ATP2C1: variants seen among roughly 807,000 people sequenced by gnomAD.
ATP2C1 encodes calcium-transporting ATPase type 2C member 1.
ATP2C1 carries 31 observed loss-of-function variants against 120.5 expected under a neutral mutation model. That is an observed-to-expected ratio of 0.26 (90% CI 0.19 to 0.35). The LOEUF (loss-of-function observed/expected upper bound fraction) is 0.35. Among genes scored for constraint, ATP2C1 ranks in the 10% least tolerant of loss-of-function variants. The pLI, the probability that ATP2C1 is intolerant of heterozygous loss-of-function variation, is 1.00. For missense variants in ATP2C1, 731 were observed against 1,107.5 expected (o/e 0.66, Z 4.83); for synonymous variants, 351 against 358.7 (o/e 0.98, Z 0.24).
chr3:130,850,866 T>C lies in ATP2C1; in HGVS notation c.46T>C (p.Tyr16His), dbSNP rs910405694. ...ATCTAGATTCTCTTATTTCAAAAAA[T>C]ATCCTCTCCATGCAATTAGGAGATA... Residue 16 changes from tyrosine to histidine, a missense_variant, in exon 1 of 27, where the codon TAT (tyrosine) becomes CAT (histidine). Tyr to His is a moderately conservative substitution (Grantham distance 83, BLOSUM62 2). Coordinates refer to the ATP2C1 transcript ENST00000504381. 20 of 1,446,816 alleles carry C rather than the reference T, an allele frequency of 1.4e-5. No individual in the cohort carries two copies. The African/African-American group carries it at 2.3e-4, about 17-fold the overall frequency. 89.6% of individuals were successfully genotyped at this position (1,446,816 alleles called of 1,614,324 possible).
chr3:131,006,797 G>T (rs1002773029), downstream of ATP2C1, among the ~76,000 whole-genome samples: 1 of 151,730 alleles, frequency 6.6e-6, no homozygotes, highest in African/African-American at 2.4e-5. Context: ...CAAGTAGCTG[G>T]GACTGCAGGT....
intron 1 of ATP2C1, among the ~76,000 whole-genome samples, chr3:130,885,546 T>G (rs2068945781): frequency 6.6e-6 from 1 of 152,170 alleles, no homozygotes; most frequent in South Asian, 2.1e-4. Context: ...TACTATCTTA[T>G]AACCCATTAT....
intron 20 of ATP2C1, among the ~76,000 whole-genome samples, chr3:130,990,701 A>G (rs1289591407): frequency 6.6e-6 from 1 of 152,216 alleles, no homozygotes; most frequent in Non-Finnish European, 1.5e-5. Flanking sequence ...CAGAAATAAG[A>G]AAATCAGTTT....
chr3:130,912,937 G>A (rs1435369664), intron 2 of ATP2C1, among the ~76,000 whole-genome samples: 1 of 151,132 alleles, frequency 6.6e-6, no homozygotes. Context: ...AAAATGATGA[G>A]TTCATGTCCT....
intron 17 of ATP2C1, 131 bp from the exon 18 acceptor site, chr3:130,975,201 G>T: frequency 1.2e-6 from 1 of 825,420 alleles, no homozygotes; most frequent in East Asian, 2.5e-5. Flanking sequence ...GAGTTCAGGT[G>T]GCAGTCAAAA....
downstream of ATP2C1, chr3:131,003,318 A>G: frequency 3.2e-6 from 1 of 312,214 alleles, no homozygotes; most frequent in Non-Finnish European, 4.7e-6. Context: ...TTTCCATAAT[A>G]TATTAATCCA....
At chr3:131,014,848 A>G (rs1279769154) in intron 26 of ATP2C1, among the ~76,000 whole-genome samples, 2 of 152,232 alleles carry the variant, frequency 1.3e-5, no homozygotes, top group East Asian at 3.8e-4. Context: ...TATTATGGAC[A>G]AAGCTGATAA....
rs1434682055 is a variant in ATP2C1, at chr3:130,916,046, A to G, written c.7-14370A>G. Among the ~76,000 whole-genome samples, 3 of 152,330 alleles carry G rather than the reference A, an allele frequency of 2.0e-5. No individual in the cohort carries two copies. The East Asian group carries it at 5.8e-4, about 29-fold the overall frequency. On this transcript the variant is annotated intron_variant, in intron 2 of 27. Transcript: ENST00000510168. The stretch of plus-strand genomic sequence containing the variant: ...GAATATTTAAGTATAGTTAATAAAT[A>G]GGATTCTTATAGTCTCCTATTAGGT...
intron 1 of ATP2C1, among the ~76,000 whole-genome samples, chr3:130,853,297 G>C (rs1034235942): frequency 2.6e-5 from 4 of 152,196 alleles, no homozygotes; most frequent in African/African-American, 9.6e-5. Context: ...AGAAAGGTTA[G>C]AGCATCCTAG....
chr3:130,986,361 A>T (rs2062013624), intron 20 of ATP2C1, among the ~76,000 whole-genome samples: 1 of 152,190 alleles, frequency 6.6e-6, no homozygotes, highest in South Asian at 2.1e-4. Flanking sequence ...CTTCTCAGAG[A>T]TGCTAAAGGT....
intron 1 of ATP2C1, among the ~76,000 whole-genome samples, chr3:130,872,461 A>C (rs2068464849): frequency 6.6e-6 from 1 of 152,136 alleles, no homozygotes; most frequent in Admixed American, 6.6e-5. Context: ...CCTATTGAAT[A>C]ATGTCTCTAA....
At chr3:130,996,410 T>C in intron 23 of ATP2C1, 2 of 579,154 alleles carry the variant, frequency 3.5e-6, no homozygotes, top group Admixed American at 3.1e-5. Flanking sequence ...AGGGGTATTG[T>C]GTAGTCAAAG....
Position 130,971,180 on chromosome 3 carries a change from C to T in ATP2C1, c.1413+1784C>T, listed in dbSNP as rs140363172. Among the ~76,000 whole-genome samples, 267 of 152,268 alleles carry T rather than the reference C, an allele frequency of 1.8e-3. 2 individuals carry two copies. Among genetic ancestry groups the T allele is most frequent in the South Asian group, 2.9e-3 (14 of 4,828 alleles). ...TCATTACATTTTGTAAACCATCACA[C>T]GGTACCTCAAGATAGTGTGGCTCAT... On this transcript the variant is annotated intron_variant, in intron 17 of 27. Transcript: ENST00000510168.
chr3:130,986,864 ATTAGTTTAGTTTAGTTTAGT>A (rs1230278748), intron 20 of ATP2C1, among the ~76,000 whole-genome samples: 361 of 137,458 alleles, frequency 2.6e-3, no homozygotes, highest in African/African-American at 7.6e-3. Context: ...CAGCTTTTTG[ATTAGTTTAGTTTAGTTTAGT>A]TTAGTTTAGT....
At chr3:130,986,642 C>T (rs1450202957) in intron 20 of ATP2C1, among the ~76,000 whole-genome samples, 3 of 152,190 alleles carry the variant, frequency 2.0e-5, no homozygotes, top group Non-Finnish European at 2.9e-5. Context: ...TGCTTAAATT[C>T]ATCCTACTTT....
Position 130,965,050 on chromosome 3 carries a change from T to G in ATP2C1, c.1122+5T>G. The G allele has an allele frequency of 6.3e-7, 1 of 1,595,594 alleles. No individual in the cohort carries two copies. Among genetic ancestry groups the G allele is most frequent in the Non-Finnish European group, 8.6e-7 (1 of 1,163,832 alleles). ...TCAGATGGTCTGCATGCTGAGGTAC[T>G]CTATAGGTTTTTAAAAACAAACAAA... On this transcript the variant is annotated splice_donor_5th_base_variant and intron_variant, in intron 14 of 27. Coordinates refer to ENST00000510168, the MANE Select transcript of ATP2C1 (RefSeq NM_001378687.1).
chr3:130,924,702 G>C (rs1745670), intron 2 of ATP2C1, among the ~76,000 whole-genome samples: 141,731 of 152,214 alleles, frequency 0.93, 66,164 homozygotes, highest in African/African-American at 0.97. Flanking sequence ...TCAGGAACAC[G>C]AATTATTTTT....
intron 1 of ATP2C1, among the ~76,000 whole-genome samples, chr3:130,872,061 G>A (rs1457593348): frequency 6.6e-6 from 1 of 151,060 alleles, no homozygotes; most frequent in South Asian, 2.1e-4. Context: ...CAATGTCTTG[G>A]CCCTAAGAAT....
At chr3:130,940,787 A>C in intron 7 of ATP2C1, 96 bp downstream of exon 7, 1 of 958,498 alleles carries the variant, frequency 1.0e-6, no homozygotes, top group Non-Finnish European at 1.7e-6. Flanking sequence ...CTTTGTCTGA[A>C]CATAAGGAAG....
Sources: gnomAD v4.1 joint callset for allele counts (sites outside exome capture counted in the v4.1 genomes callset) on GRCh38, gnomAD v4.1.1 for gene constraint, MANE v1.5 for transcripts, NCBI Gene and HGNC (gene_info 2026-07-23, HGNC 2026-07-21) for gene names.